Variants in USP47 observed in about 807,000 individuals in gnomAD.
USP47 encodes the protein ubiquitin carboxyl-terminal hydrolase 47.
A neutral mutation model predicts 165.1 loss-of-function variants in USP47; 35 were observed. The observed-to-expected ratio is 0.21, with a 90% CI of 0.16 to 0.28. The LOEUF (loss-of-function observed/expected upper bound fraction) is 0.28, where lower values mean the gene tolerates loss of function less well. USP47 is among the 10% of genes least tolerant of loss of function. USP47 has a pLI of 1.00. For synonymous variants in USP47, 531 were observed against 544.5 expected, an observed-to-expected ratio of 0.98 and a Z score of 0.35; for missense variants, 1,277 against 1,607.4, an observed-to-expected ratio of 0.79 and a Z score of 3.52.
rs1413274435 is a variant in USP47, at chr11:11,938,308, C to T, written c.2129C>T (p.Ala710Val). The T allele has an allele frequency of 6.2e-7, 1 of 1,612,160 alleles. No homozygotes were observed. Among genetic ancestry groups the T allele is most frequent in the Non-Finnish European group, 8.5e-7 (1 of 1,178,848 alleles). Residue 710 changes from alanine to valine, a missense_variant, in exon 18 of 28, where the codon GCT becomes GTT. This residue lies in a region of USP47 where 909 missense variants were observed against 1,068.1 expected (regional missense o/e 0.85). Coordinates refer to ENST00000527733, the MANE Select transcript of USP47 (RefSeq NM_001282659.2). ...GATCTAAAGGCAGAATCTGTAGCTG[C>T]TCCTATAACTGTTCGTGCTTACTTA... ...VVDLKAESVA[A>V]PITVRAYLNQ...
At chr11:11,945,194 TA>T (rs1390384416) in intron 20 of USP47, among the ~76,000 whole-genome samples, 1 of 152,074 alleles carries the variant, frequency 6.6e-6, no homozygotes, top group African/African-American at 2.4e-5. Context: ...GGTTTGGAGA[TA>T]GGGGAGTAGG....
chr11:11,848,818 C>A (rs1323012172), intron 1 of USP47, among the ~76,000 whole-genome samples: 1 of 152,080 alleles, frequency 6.6e-6, no homozygotes, highest in East Asian at 1.9e-4. Flanking sequence ...ACAGTGTTAG[C>A]CAGGATGGTC....
chr11:11,949,926 G>C lies in USP47; in HGVS notation c.3386G>C (p.Gly1129Ala). Residue 1129 changes from glycine to alanine, a missense_variant, in exon 23 of 28, where the codon GGA (glycine) becomes GCA (alanine). By Grantham distance (60) the Gly-to-Ala change is moderately conservative. This residue lies in a region of USP47 where 909 missense variants were observed against 1,068.1 expected (regional missense o/e 0.85). Coordinates refer to ENST00000527733, the MANE Select transcript of USP47 (RefSeq NM_001282659.2). ...CTGCTAGATGCTGTGTTTGCTAAAG[G>C]AATGACTGTACGGCAATCAAAAGAG... ...KFLLDAVFAK[G>A]MTVRQSKEEL... is the part of the protein sequence containing the mutation. The C allele has an allele frequency of 1.9e-6, 3 of 1,612,718 alleles. No homozygotes were observed. Among genetic ancestry groups the C allele is most frequent in the Non-Finnish European group, 2.5e-6 (3 of 1,179,232 alleles).
chr11:11,904,208 G>C (rs1852402321), intron 7 of USP47, among the ~76,000 whole-genome samples: 1 of 152,150 alleles, frequency 6.6e-6, no homozygotes, highest in Admixed American at 6.5e-5. Context: ...TTGCTATTCA[G>C]TATTTGAAAA....
chr11:11,928,960 A>G (rs1311119821), intron 11 of USP47, among the ~76,000 whole-genome samples: 1 of 152,060 alleles, frequency 6.6e-6, no homozygotes, highest in Admixed American at 6.6e-5. Flanking sequence ...ACAAATCAGT[A>G]GATCATGATA....
chr11:11,875,033 TTGTGTGTGTGTGTGTGTGTGTGTGTG>T (rs57342188), intron 1 of USP47, among the ~76,000 whole-genome samples: 1 of 95,356 alleles, frequency 1.0e-5, no homozygotes, highest in African/African-American at 4.0e-5. Context: ...AATTGACTTA[TTGTGTGTGTGTGTGTGTGTGTGTGTG>T]TGTGTGTGTG....
intron 7 of USP47, among the ~76,000 whole-genome samples, chr11:11,905,007 T>G (rs1852460429): frequency 2.0e-5 from 3 of 152,028 alleles, no homozygotes; most frequent in African/African-American, 7.2e-5. Flanking sequence ...ATTAACATGC[T>G]TAAAGTGATA....
At position 11,942,559 on chromosome 11, in the gene USP47, A is replaced by G. The variant is rs367630635; in HGVS notation, c.2538A>G (p.Leu846=). 2 of 1,613,630 alleles carry G rather than the reference A, an allele frequency of 1.2e-6. No homozygotes were observed. The highest frequency in any genetic ancestry group is 1.1e-5 in the South Asian group (1 of 91,064). Residue 846 remains leucine (L), a synonymous_variant, in exon 20 of 28, where the codon CTA becomes CTG. Coordinates refer to ENST00000527733, the MANE Select transcript of USP47 (RefSeq NM_001282659.2). Reference sequence around the variant, plus strand: ...GAGTCAAAGGACCTGTAGGAAGCCTAAAGTCTGTGGAAGCTATTCTAGAAG... The same window carrying G: ...GAGTCAAAGGACCTGTAGGAAGCCTGAAGTCTGTGGAAGCTATTCTAGAAG... ...CERVKGPVGS[L]KSVEAILEES...
chr11:11,846,003 G>C lies in USP47; in HGVS notation c.39+3779G>C, dbSNP rs190177690. On this transcript the variant is annotated intron_variant, in intron 1 of 27. Coordinates refer to ENST00000527733, the MANE Select transcript of USP47 (RefSeq NM_001282659.2). ...TCTGTTCTGAGTCTGAGCTTCCTCA[G>C]TTCTTTAACTGTTTCTTAGTTCCTC... Among the ~76,000 whole-genome samples, 37 of 152,254 alleles carry C rather than the reference G, an allele frequency of 2.4e-4. No homozygotes were observed. The East Asian group carries it at 6.8e-3, about 28-fold the overall frequency.
Position 11,905,468 on chromosome 11 carries a change from G to C in USP47, c.889G>C (p.Glu297Gln). ...CGTGAGATGTCTGGAATGTGGTTATGAGGGCTGGCGAATCGACACATATCT... is the reference window on the plus strand; with the variant it reads ...CGTGAGATGTCTGGAATGTGGTTATCAGGGCTGGCGAATCGACACATATCT... ...DYVRCLECGY[E>Q]GWRIDTYLDI... The change falls in exon 8 of 28, where the codon GAG becomes CAG. Residue 297 changes from glutamate to glutamine, a missense_variant. By Grantham distance (29) the Glu-to-Gln change is conservative (BLOSUM62 2). This residue lies in a region of USP47 where 175 missense variants were observed against 295.8 expected (regional missense o/e 0.59). Transcript: ENST00000527733. 6.2e-7 allele frequency: 1 copy of C among 1,610,646 alleles called. No individual in the cohort carries two copies. The highest frequency in any genetic ancestry group is 8.5e-7 in the Non-Finnish European group (1 of 1,177,626).
intron 1 of USP47, among the ~76,000 whole-genome samples, chr11:11,848,520 C>G (rs1848549871): frequency 1.3e-5 from 2 of 152,076 alleles, no homozygotes; most frequent in Middle Eastern, 7.0e-3. Context: ...CAGTAGGTCT[C>G]TGCAAATTTC....
Position 11,922,900 on chromosome 11 carries a change from T to C in USP47, c.1386+9T>C, listed in dbSNP as rs2134617591. The C allele has an allele frequency of 6.2e-7, 1 of 1,606,682 alleles. No homozygotes were observed. ...AATCTGGACTTGAAAAGGTACCTTT[T>C]ATAGTTTGCATTTTTTAGTTGAAAG... On this transcript the variant is annotated intron_variant, in intron 11 of 27. Coordinates refer to ENST00000527733, the MANE Select transcript of USP47 (RefSeq NM_001282659.2).
At chr11:11,910,573 G>A (rs1308319447) in intron 8 of USP47, among the ~76,000 whole-genome samples, 2 of 152,004 alleles carry the variant, frequency 1.3e-5, no homozygotes, top group African/African-American at 2.4e-5. Flanking sequence ...GCTTGTGTCA[G>A]TGTTGGGGTG....
At chr11:11,853,441 T>C (rs1166240203) in intron 1 of USP47, among the ~76,000 whole-genome samples, 1 of 152,218 alleles carries the variant, frequency 6.6e-6, no homozygotes, top group Non-Finnish European at 1.5e-5. Context: ...ATGATTGTGC[T>C]TGGCAGTGAT....
intron 8 of USP47, among the ~76,000 whole-genome samples, chr11:11,910,386 C>T (rs561693914): frequency 3.2e-4 from 49 of 152,092 alleles, no homozygotes; most frequent in East Asian, 1.9e-4. Flanking sequence ...AACTGAAGGA[C>T]GAGGAAAAAG....
At chr11:11,913,330 T>C (rs1308370563) in intron 8 of USP47, among the ~76,000 whole-genome samples, 1 of 139,274 alleles carries the variant, frequency 7.2e-6, no homozygotes, top group Non-Finnish European at 1.6e-5. Context: ...AAAAATAACA[T>C]AAAAAATAAA....
chr11:11,938,577 T>C (rs909866945), intron 18 of USP47, among the ~76,000 whole-genome samples: 12 of 152,094 alleles, frequency 7.9e-5, no homozygotes, highest in Non-Finnish European at 1.5e-4. Flanking sequence ...TAACAACTTA[T>C]ATGTGTTGGC....
chr11:11,943,861 G>T (rs1206668087), intron 20 of USP47: 2 of 151,966 alleles, frequency 1.3e-5, no homozygotes, highest in African/African-American at 2.4e-5. Context: ...TAAGTACTTT[G>T]CATTAGTTCT....
intron 8 of USP47, among the ~76,000 whole-genome samples, chr11:11,915,525 A>AT (rs1426261339): frequency 6.6e-6 from 1 of 152,200 alleles, no homozygotes; most frequent in East Asian, 1.9e-4. Context: ...GAAAATCTGA[A>AT]TTAGATAGGT....
Sources: allele counts gnomAD v4.1 joint callset (sites outside exome capture counted in the v4.1 genomes callset), GRCh38; gene constraint gnomAD v4.1.1; regional missense constraint gnomAD v4.1.1; transcripts MANE v1.5; gene names NCBI Gene and HGNC (gene_info 2026-07-23, HGNC 2026-07-21).